The following ATP10D variants were observed in gnomAD, a reference collection of about 807,000 sequenced individuals.
ATP10D encodes ATPase phospholipid transporting 10D (putative), also known as phospholipid-transporting ATPase VD.
Under a neutral mutation model 144.8 loss-of-function variants are expected in ATP10D, and 89 were observed. The observed-to-expected ratio is 0.61, with a 90% CI of 0.52 to 0.73. The LOEUF is 0.73. ATP10D is among the 30% of genes least tolerant of loss of function. The pLI is 0.00. For missense variants in ATP10D, 1,603 were observed against 1,714.8 expected (o/e 0.93, Z 1.15); for synonymous variants, 571 against 615.1 (o/e 0.93, Z 1.06).
At chr4:47,590,894 A>G (rs1227927775) in intron 22 of ATP10D, 148 bp from the exon 23 acceptor site, 9 of 515,636 alleles carry the variant, frequency 1.7e-5, no homozygotes, top group Non-Finnish European at 3.1e-5. Flanking sequence ...TCCATTTTGT[A>G]TTAGAGTTCG....
intron 2 of ATP10D, among the ~76,000 whole-genome samples, chr4:47,513,757 A>G (rs1205474860): frequency 3.3e-5 from 5 of 152,220 alleles, no homozygotes; most frequent in African/African-American, 1.2e-4. Flanking sequence ...CTATCAGGAT[A>G]AAGAGTTGAG....
rs1314371912 is a variant in ATP10D, at chr4:47,563,698, A to G, written c.2786A>G (p.Asn929Ser). ...LTGDKQETAV[N>S]IAYACKLLEP... ...GGGGACAAGCAGGAGACAGCTGTCA[A>G]CATAGCTTATGCATGCAAACTACTG... The change falls in exon 15 of 23, where the codon AAC (asparagine) becomes AGC (serine). Residue 929 changes from asparagine to serine, a missense_variant. Coordinates refer to ENST00000273859, the MANE Select transcript of ATP10D (RefSeq NM_020453.4). 3 of 1,614,038 alleles carry G rather than the reference A, an allele frequency of 1.9e-6. No homozygotes were observed. In the South Asian group the frequency reaches 3.3e-5, roughly 18 times the overall value.
At chr4:47,485,813 G>A (rs1404683211) in intron 1 of ATP10D, among the ~76,000 whole-genome samples, 6 of 7,302 alleles carry the variant, frequency 8.2e-4, no homozygotes, top group African/African-American at 2.5e-3. Flanking sequence ...GGGCGCACAC[G>A]GGCACGTACA....
chr4:47,521,453 G>A (rs895059943), intron 3 of ATP10D, among the ~76,000 whole-genome samples: 7 of 151,966 alleles, frequency 4.6e-5, no homozygotes, highest in African/African-American at 7.3e-5. Flanking sequence ...TATCTGTGTC[G>A]CTACTGCCTT....
chr4:47,536,628 G>A, intron 8 of ATP10D, 58 bp from the exon 9 acceptor site: 1 of 1,600,262 alleles, frequency 6.2e-7, no homozygotes. Context: ...GCTATGTTCA[G>A]TTTCACATCC....
At chr4:47,538,542 T>C (rs115258927) in intron 9 of ATP10D, among the ~76,000 whole-genome samples, 388 of 152,270 alleles carry the variant, frequency 2.5e-3, no homozygotes, top group African/African-American at 8.9e-3. Context: ...AACACAAATA[T>C]GCTGTCTCAC....
intron 5 of ATP10D, among the ~76,000 whole-genome samples, chr4:47,532,885 G>T (rs1051971240): frequency 3.3e-5 from 5 of 152,106 alleles, no homozygotes; most frequent in African/African-American, 1.2e-4. Context: ...CTAGCATCTG[G>T]GTTGGAGCGC....
intron 5 of ATP10D, among the ~76,000 whole-genome samples, chr4:47,527,579 A>C (rs1306236675): frequency 6.6e-6 from 1 of 152,160 alleles, no homozygotes; most frequent in Non-Finnish European, 1.5e-5. Context: ...TATATAAAGG[A>C]ATCTCGAAAC....
chr4:47,567,557 T>C (rs1274890929), intron 15 of ATP10D, among the ~76,000 whole-genome samples: 1 of 152,252 alleles, frequency 6.6e-6, no homozygotes, highest in East Asian at 1.9e-4. Context: ...CTGATGTTAA[T>C]GTTTTCAATG....
intron 3 of ATP10D, among the ~76,000 whole-genome samples, chr4:47,520,856 C>T (rs1238743421): frequency 6.6e-6 from 1 of 152,130 alleles, no homozygotes; most frequent in Admixed American, 6.5e-5. Context: ...CATGAGCCAC[C>T]GTGCCCGGCC....
intron 22 of ATP10D, among the ~76,000 whole-genome samples, chr4:47,588,628 C>T (rs951214253): frequency 3.3e-5 from 5 of 152,170 alleles, no homozygotes; most frequent in African/African-American, 1.2e-4. Context: ...ACAGTGGACA[C>T]AATCCTTTGT....
intron 21 of ATP10D, 41 bp from the exon 22 acceptor site, chr4:47,586,978 G>A (rs780157136): frequency 6.3e-7 from 1 of 1,580,460 alleles, no homozygotes; most frequent in Non-Finnish European, 8.7e-7. Flanking sequence ...TACTGTATCA[G>A]TGACAGAGCA....
chr4:47,544,568 TA>T (rs1279298868), intron 9 of ATP10D, among the ~76,000 whole-genome samples: 1 of 152,166 alleles, frequency 6.6e-6, no homozygotes, highest in Non-Finnish European at 1.5e-5. Flanking sequence ...GGAAAGATCT[TA>T]AAGTCACCGA....
intron 19 of ATP10D, among the ~76,000 whole-genome samples, chr4:47,578,810 G>A (rs1720364224): frequency 6.6e-6 from 1 of 152,166 alleles, no homozygotes. Flanking sequence ...TGGAAACAAT[G>A]AATCTTCATT....
At position 47,500,189 on chromosome 4, in the gene ATP10D, C is replaced by T. The variant is rs187110666; in HGVS notation, c.-37-12315C>T. ...CTAGGCCTAGGCCATATCAGTGAACCAAAAAGACAGAAATTTCTACGCTGA... is the reference window on the plus strand; with the variant it reads ...CTAGGCCTAGGCCATATCAGTGAACTAAAAAGACAGAAATTTCTACGCTGA... On this transcript the variant is annotated intron_variant, in intron 1 of 22. Coordinates refer to ENST00000273859, the MANE Select transcript of ATP10D (RefSeq NM_020453.4). Among the ~76,000 whole-genome samples, 23 of 152,242 alleles carry T rather than the reference C, an allele frequency of 1.5e-4. No individual in the cohort carries two copies. In the East Asian group the frequency reaches 3.7e-3, roughly 24 times the overall value.
intron 1 of ATP10D, among the ~76,000 whole-genome samples, chr4:47,506,324 G>T (rs916579624): frequency 6.6e-6 from 1 of 151,954 alleles, no homozygotes; most frequent in Non-Finnish European, 1.5e-5. Flanking sequence ...AAATTAAATG[G>T]CATGTGGAAG....
At chr4:47,513,666 T>C (rs1396219121) in intron 2 of ATP10D, among the ~76,000 whole-genome samples, 2 of 152,228 alleles carry the variant, frequency 1.3e-5, no homozygotes, top group Non-Finnish European at 2.9e-5. Context: ...TAGTGTTCTC[T>C]GACTTACATG....
At chr4:47,535,381 A>T in intron 5 of ATP10D, 128 bp from the exon 6 acceptor site, 1 of 656,230 alleles carries the variant, frequency 1.5e-6, no homozygotes, top group Non-Finnish European at 2.5e-6. Context: ...AATGGGCCAG[A>T]GATTTGAAAA....
chr4:47,516,010 G>A (rs544025838), intron 3 of ATP10D, among the ~76,000 whole-genome samples: 7 of 152,098 alleles, frequency 4.6e-5, no homozygotes, highest in African/African-American at 1.4e-4. Context: ...CGGGTGGATC[G>A]CCTGAGGTCA....
Sources: gnomAD v4.1 joint callset for allele counts (sites outside exome capture counted in the v4.1 genomes callset) on GRCh38, gnomAD v4.1.1 for gene constraint, MANE v1.5 for transcripts, NCBI Gene and HGNC (gene_info 2026-07-23, HGNC 2026-07-21) for gene names.